ADAM9: variants seen among roughly 807,000 people sequenced by gnomAD.
ADAM9 encodes the protein disintegrin and metalloproteinase domain-containing protein 9.
In ADAM9, 54 loss-of-function variants were observed where a neutral mutation model predicts 108.1. The observed-to-expected ratio is 0.50, with a 90% confidence interval of 0.40 to 0.63. The LOEUF (loss-of-function observed/expected upper bound fraction) is 0.63. Among genes scored for constraint, ADAM9 ranks in the 20% least tolerant of loss-of-function variants. ADAM9 has a pLI of 0.00. For missense variants in ADAM9, 830 were observed against 997.7 expected (o/e 0.83, Z 2.26); for synonymous variants, 316 against 336.0 (o/e 0.94, Z 0.65).
rs1236255225 is a variant in ADAM9 at position 39,104,248 on chromosome 8, A to G, written c.*548A>G. 3 of 453,492 alleles carry G rather than the reference A, an allele frequency of 6.6e-6. No individual in the cohort carries two copies. Among genetic ancestry groups the G allele is most frequent in the Non-Finnish European group, 1.3e-5 (3 of 226,502 alleles). 28.1% of individuals were successfully genotyped at this position (453,492 alleles called of 1,614,324 possible). A position where few individuals can be genotyped will look rare whatever the true frequency, so the allele number is the denominator to read the frequency against. On this transcript the variant is annotated 3_prime_UTR_variant, in exon 22 of 22. Transcript: ENST00000487273. ...CATGAATAAGCAAATATTGTCTTCA[A>G]AAGAATGCACAAGAACCACAATTAA...
At chr8:39,036,164 A>G (rs889895092) in intron 11 of ADAM9, among the ~76,000 whole-genome samples, 4 of 151,870 alleles carry the variant, frequency 2.6e-5, no homozygotes, top group Non-Finnish European at 5.9e-5. Context: ...ATTGTTTATG[A>G]TATTTTGGGG....
chr8:39,103,050 AT>A (rs1170557413), intron 21 of ADAM9, among the ~76,000 whole-genome samples: 1 of 152,220 alleles, frequency 6.6e-6, no homozygotes, highest in African/African-American at 2.4e-5. Flanking sequence ...TGAGGGAAAC[AT>A]TCACCAGGTA....
At chr8:39,095,521 TTTG>T (rs1363935007) in intron 20 of ADAM9, among the ~76,000 whole-genome samples, 1 of 152,222 alleles carries the variant, frequency 6.6e-6, no homozygotes, top group Non-Finnish European at 1.5e-5. Context: ...TCTTTTAAAA[TTTG>T]TTAAGGCTTG....
chr8:38,999,445 A>T (rs889052392), intron 1 of ADAM9, among the ~76,000 whole-genome samples: 2 of 151,556 alleles, frequency 1.3e-5, no homozygotes, highest in Non-Finnish European at 2.9e-5. Flanking sequence ...CAGATTTAGA[A>T]TTTTTTTTTA....
chr8:39,058,501 C>A (rs1838196987), intron 14 of ADAM9, among the ~76,000 whole-genome samples: 1 of 152,162 alleles, frequency 6.6e-6, no homozygotes, highest in African/African-American at 2.4e-5. Flanking sequence ...AATCATGAAG[C>A]ATGGTAATAC....
At position 39,055,686 on chromosome 8, in the gene ADAM9, G is replaced by T; in HGVS notation, c.1505G>T (p.Gly502Val). 6.2e-7 allele frequency: 1 copy of T among 1,613,736 alleles called. No individual in the cohort carries two copies. Reference sequence around the variant, plus strand: ...CAGCCAGATGTTTTTATTCAGAATGGATATCCTTGCCAGAATAACAAAGCC... The same window carrying T: ...CAGCCAGATGTTTTTATTCAGAATGTATATCCTTGCCAGAATAACAAAGCC... ...FCQPDVFIQN[G>V]YPCQNNKAYC... The change falls in exon 14 of 22, where the codon GGA becomes GTA. Residue 502 changes from glycine (G) to valine (V), a missense_variant. Physicochemically the swap from Gly to Val is moderately radical, Grantham distance 109. This residue lies in a region of ADAM9 where 381 missense variants were observed against 539.8 expected (regional missense o/e 0.71). Coordinates refer to ENST00000487273, the MANE Select transcript of ADAM9 (RefSeq NM_003816.3).
At chr8:39,016,815 T>C (rs1836545430) in intron 5 of ADAM9, among the ~76,000 whole-genome samples, 2 of 152,220 alleles carry the variant, frequency 1.3e-5, no homozygotes, top group Admixed American at 6.5e-5. Flanking sequence ...GCTTATTAAG[T>C]AATTTTGTTT....
At chr8:39,033,474 T>C (rs1837166605) in intron 11 of ADAM9, among the ~76,000 whole-genome samples, 1 of 152,214 alleles carries the variant, frequency 6.6e-6, no homozygotes, top group East Asian at 1.9e-4. Context: ...CTCACATTTT[T>C]TTTTTAGCAT....
At chr8:39,073,895 T>C (rs916212390) in intron 15 of ADAM9, among the ~76,000 whole-genome samples, 1 of 152,222 alleles carries the variant, frequency 6.6e-6, no homozygotes, top group Admixed American at 6.5e-5. Flanking sequence ...AGTTAGACTC[T>C]TTGGATTTGA....
rs35517175 is a variant in ADAM9 at position 39,002,312 on chromosome 8, C to CTTTT, written c.97+5173_97+5176dup. 1.8e-3 allele frequency among the ~76,000 whole-genome samples: 131 copies of CTTTT among 71,488 alleles called. 3 individuals are homozygous for CTTTT. The highest frequency in any genetic ancestry group is 3.6e-3 in the East Asian group (8 of 2,242). The allele number at this position is 71,488 out of a possible 152,430, so 46.9% of individuals were successfully genotyped here. ...GTTTGCTTTGCAATTAGGTAGAATT[C>CTTTT]TTTTTTTTTTTTTTTTTTTTTTTTG... On this transcript the variant is annotated intron_variant, in intron 1 of 21. Coordinates refer to ENST00000487273, the MANE Select transcript of ADAM9 (RefSeq NM_003816.3).
intron 7 of ADAM9, among the ~76,000 whole-genome samples, chr8:39,021,055 A>G (rs895970550): frequency 1.3e-5 from 2 of 152,248 alleles, no homozygotes; most frequent in Non-Finnish European, 2.9e-5. Flanking sequence ...TAAAAGGAAC[A>G]TTAAGAAGAT....
At chr8:39,058,769 A>G (rs1425148851) in intron 14 of ADAM9, among the ~76,000 whole-genome samples, 1 of 152,208 alleles carries the variant, frequency 6.6e-6, no homozygotes, top group Non-Finnish European at 1.5e-5. Context: ...CCTCTAGTCC[A>G]GTAGAGCATA....
At chr8:39,003,040 C>T (rs555466382) in intron 1 of ADAM9, among the ~76,000 whole-genome samples, 64 of 151,934 alleles carry the variant, frequency 4.2e-4, no homozygotes, top group Non-Finnish European at 8.8e-4. Flanking sequence ...CCAGGCCTGG[C>T]TAATTTTGCA....
rs2129443721 is a variant in ADAM9 at position 39,104,506 on chromosome 8, C to T, written c.*806C>T. The T allele has an allele frequency of 2.6e-6, 1 of 381,090 alleles. No individual in the cohort carries two copies. Among genetic ancestry groups the T allele is most frequent in the Non-Finnish European group, 5.1e-6 (1 of 197,350 alleles). The allele number at this position is 381,090 out of a possible 1,614,324, so 23.6% of individuals were successfully genotyped here. A position where few individuals can be genotyped will look rare whatever the true frequency, so the allele number is the denominator to read the frequency against. ...GTACGAAGTATTTAATAGATCTAAT[C>T]AAATATGTTGATTCATGGCTATAAT... On this transcript the variant is annotated 3_prime_UTR_variant, in exon 22 of 22. Coordinates refer to ENST00000487273, the MANE Select transcript of ADAM9 (RefSeq NM_003816.3).
intron 7 of ADAM9, among the ~76,000 whole-genome samples, chr8:39,019,492 G>T (rs1373815299): frequency 6.6e-6 from 1 of 152,156 alleles, no homozygotes; most frequent in Non-Finnish European, 1.5e-5. Context: ...GCATTTACAG[G>T]ATTATCAGTT....
intron 11 of ADAM9, among the ~76,000 whole-genome samples, chr8:39,038,496 A>G (rs1837353784): frequency 6.6e-6 from 1 of 152,186 alleles, no homozygotes; most frequent in South Asian, 2.1e-4. Flanking sequence ...CTTCCTCTGC[A>G]GAGCTCATCA....
At chr8:39,022,870 C>T (rs1331967859) in intron 8 of ADAM9, among the ~76,000 whole-genome samples, 9 of 151,950 alleles carry the variant, frequency 5.9e-5, no homozygotes, top group African/African-American at 1.9e-4. Flanking sequence ...TGCACCACCA[C>T]GCCCAGCTAA....
rs10651669 is a variant in ADAM9, at chr8:39,026,823, G to GTTCT, written c.1130+15_1130+18dup. The GTTCT allele has an allele frequency of 0.79, 1,272,540 of 1,612,992 alleles. 503,834 individuals carry two copies. Among genetic ancestry groups the GTTCT allele is most frequent in the East Asian group, 0.94 (42,283 of 44,824 alleles). On this transcript the variant is annotated intron_variant, in intron 11 of 21. Transcript: ENST00000487273. ...ATTCAGGAGCATCGTGAGTACCTGGGTTCTTCTTCTCCTTTATTTGGTATT... is the reference window on the plus strand; with the variant it reads ...ATTCAGGAGCATCGTGAGTACCTGGGTTCTTTCTTCTTCTCCTTTATTTGGTATT...
At chr8:39,031,579 G>A (rs547868369) in intron 11 of ADAM9, among the ~76,000 whole-genome samples, 126 of 152,094 alleles carry the variant, frequency 8.3e-4, no homozygotes, top group Non-Finnish European at 1.6e-3. Context: ...TAGCTTCCTT[G>A]CGATGGGTTC....
Sources: gnomAD v4.1 joint callset for allele counts (sites outside exome capture counted in the v4.1 genomes callset) on GRCh38, gnomAD v4.1.1 for gene constraint, gnomAD v4.1.1 regional missense constraint, MANE v1.5 for transcripts, NCBI Gene and HGNC (gene_info 2026-07-23, HGNC 2026-07-21) for gene names.